GABRB2: variants seen among roughly 807,000 people sequenced by gnomAD.
GABRB2 encodes the protein gamma-aminobutyric acid type A receptor subunit beta2.
GABRB2 carries 16 observed loss-of-function variants against 54.7 expected under a neutral mutation model. That is an observed-to-expected ratio of 0.29 (90% CI 0.20 to 0.44). GABRB2 has a LOEUF of 0.44. GABRB2 is among the 20% of genes least tolerant of loss of function. GABRB2 has a pLI of 1.00. For synonymous variants in GABRB2, 244 were observed against 233.8 expected (o/e 1.04, Z -0.40); for missense variants, 355 against 644.0 (o/e 0.55, Z 4.86).
chr5:161,360,553 A>G (rs1754780043), intron 5 of GABRB2, among the ~76,000 whole-genome samples: 1 of 152,176 alleles, frequency 6.6e-6, no homozygotes, highest in Non-Finnish European at 1.5e-5. Flanking sequence ...AAAACTGGCA[A>G]ATACGGAGCA....
rs1304135176 is a variant in GABRB2, at chr5:161,289,701, G to A, written c.*4380C>T. 1 of 151,978 alleles carries A rather than the reference G, an allele frequency of 6.6e-6. No individual in the cohort carries two copies. The highest frequency in any genetic ancestry group is 1.5e-5 in the Non-Finnish European group (1 of 67,986). 9.4% of individuals were successfully genotyped at this position (151,978 alleles called of 1,614,324 possible). On this transcript the variant is annotated 3_prime_UTR_variant, in exon 10 of 10. Transcript: ENST00000393959. ...ATTGCCATTTCAAAGGCTATCTCTT[G>A]TTTGTTATATTGACTACATAAATAG... is the stretch of plus-strand genomic sequence containing the variant.
In GABRB2 at chr5:161,291,660, A is replaced by G. The variant is rs1048273753; in HGVS notation, c.*2421T>C. On this transcript the variant is annotated 3_prime_UTR_variant, in exon 10 of 10. Coordinates refer to ENST00000393959, the MANE Select transcript of GABRB2 (RefSeq NM_001371727.1). ...GCTCAAGCTGCAAAGATGCTTCTCT[A>G]CACTTTGATCTGGATTGTTCTGTTG... 8.5e-5 allele frequency: 13 copies of G among 152,550 alleles called. No individual in the cohort carries two copies. Among genetic ancestry groups the G allele is most frequent in the African/African-American group, 3.1e-4 (13 of 41,436 alleles). 9.4% of individuals were successfully genotyped at this position (152,550 alleles called of 1,614,324 possible).
chr5:161,305,177 C>T (rs369527015), intron 9 of GABRB2, among the ~76,000 whole-genome samples: 15 of 151,230 alleles, frequency 9.9e-5, no homozygotes, highest in South Asian at 6.3e-4. Flanking sequence ...CCACCGCGCC[C>T]GGCTAATTTT....
At chr5:161,457,498 T>C (rs1418872901) in intron 4 of GABRB2, among the ~76,000 whole-genome samples, 3 of 150,060 alleles carry the variant, frequency 2.0e-5, no homozygotes, top group African/African-American at 2.5e-5. Context: ...CAGGCTGGAG[T>C]GCAGTGGCGC....
intron 3 of GABRB2, among the ~76,000 whole-genome samples, chr5:161,508,881 A>G (rs1406087976): frequency 6.6e-6 from 1 of 152,050 alleles, no homozygotes; most frequent in Non-Finnish European, 1.5e-5. Flanking sequence ...TGTTCTGCTA[A>G]TATAAACACA....
chr5:161,374,502 G>C (rs1293620977), intron 5 of GABRB2, among the ~76,000 whole-genome samples: 1 of 152,118 alleles, frequency 6.6e-6, no homozygotes, highest in African/African-American at 2.4e-5. Flanking sequence ...ATATACCTAA[G>C]ATCCAATCAT....
intron 5 of GABRB2, among the ~76,000 whole-genome samples, chr5:161,402,182 G>A (rs932669652): frequency 4.0e-5 from 6 of 151,786 alleles, no homozygotes; most frequent in Non-Finnish European, 7.4e-5. Flanking sequence ...ATAGAAACAC[G>A]ATAGAAATAA....
At position 161,330,900 on chromosome 5, in the gene GABRB2, G is replaced by A. The variant is rs41298406; in HGVS notation, c.1060C>T (p.Arg354Cys). 586 of 1,614,220 alleles carry A rather than the reference G, an allele frequency of 3.6e-4. 5 individuals are homozygous for A. The East Asian group carries it at 0.01, about 28-fold the overall frequency. The change falls in exon 8 of 10, where the codon CGC becomes TGC. Residue 354 changes from arginine to cysteine, a missense_variant. Coordinates refer to ENST00000393959, the MANE Select transcript of GABRB2 (RefSeq NM_001371727.1). ...GAATTTACCTTGTTGACATCCAGGC[G>A]CATCTTCTCATTGTTGGCACTGGCA... The part of the protein sequence containing the change: ...KAASANNEKM[R>C]LDVNKIFYKD...
intron 4 of GABRB2, among the ~76,000 whole-genome samples, chr5:161,428,432 A>G (rs751239907): frequency 2.0e-4 from 31 of 152,012 alleles, no homozygotes; most frequent in Non-Finnish European, 3.8e-4. Context: ...CATATTTGCT[A>G]CTTTGTATCC....
intron 3 of GABRB2, among the ~76,000 whole-genome samples, chr5:161,521,834 T>A (rs1760125341): frequency 6.6e-6 from 1 of 151,868 alleles, no homozygotes; most frequent in South Asian, 2.1e-4. Context: ...AATCTCTGCC[T>A]CAACAAAGCA....
At chr5:161,459,914 C>T (rs1444423102) in intron 3 of GABRB2, 70 bp from the exon 4 acceptor site, 1 of 792,122 alleles carries the variant, frequency 1.3e-6, no homozygotes, top group Non-Finnish European at 2.1e-6. Context: ...GCAAACATCT[C>T]AGTATTAATA....
intron 5 of GABRB2, among the ~76,000 whole-genome samples, chr5:161,338,647 A>G (rs913506922): frequency 3.3e-5 from 5 of 152,000 alleles, no homozygotes; most frequent in African/African-American, 1.2e-4. Flanking sequence ...AAAATTAGCC[A>G]GGCATGGTGG....
At chr5:161,438,784 TAGC>T (rs1757380580) in intron 4 of GABRB2, among the ~76,000 whole-genome samples, 1 of 151,944 alleles carries the variant, frequency 6.6e-6, no homozygotes. Context: ...GGTCCCCTAA[TAGC>T]AGAATGGATC....
At chr5:161,310,307 TTAAAA>T (rs1410965989) in intron 9 of GABRB2, among the ~76,000 whole-genome samples, 9 of 152,100 alleles carry the variant, frequency 5.9e-5, no homozygotes, top group Non-Finnish European at 1.2e-4. Context: ...ACCCCTGAAC[TTAAAA>T]TAGAAGTTAA....
intron 9 of GABRB2, among the ~76,000 whole-genome samples, chr5:161,309,403 T>C (rs767936122): frequency 2.2e-4 from 33 of 152,146 alleles, no homozygotes; most frequent in Non-Finnish European, 4.6e-4. Context: ...TTATACACTG[T>C]TGAAAGGAGT....
intron 3 of GABRB2, among the ~76,000 whole-genome samples, chr5:161,468,158 T>G (rs773802417): frequency 1.8e-4 from 27 of 152,078 alleles, no homozygotes; most frequent in Admixed American, 3.9e-4. Context: ...TAACCCTTGC[T>G]CCTACAGTGT....
chr5:161,500,237 C>T (rs1343297793), intron 3 of GABRB2, among the ~76,000 whole-genome samples: 1 of 152,130 alleles, frequency 6.6e-6, no homozygotes, highest in Non-Finnish European at 1.5e-5. Context: ...AAACTAAGTA[C>T]CTCCATCTTT....
Position 161,546,698 on chromosome 5 carries a change from A to G in GABRB2, c.-55T>C. 1 of 1,553,818 alleles carries G rather than the reference A, an allele frequency of 6.4e-7. No homozygotes were observed. Among genetic ancestry groups the G allele is most frequent in the Non-Finnish European group, 8.7e-7 (1 of 1,147,988 alleles). On this transcript the variant is annotated 5_prime_UTR_variant, in exon 1 of 10. Coordinates refer to ENST00000393959, the MANE Select transcript of GABRB2 (RefSeq NM_001371727.1). Reference sequence around the variant, plus strand: ...TCACTGAAGAGAGGAGATCCAACTTAGTCTGCCCAGTGCAGTAATTCTAAT... The same window carrying G: ...TCACTGAAGAGAGGAGATCCAACTTGGTCTGCCCAGTGCAGTAATTCTAAT...
chr5:161,546,284 G>A (rs1245863237), intron 2 of GABRB2, 38 bp downstream of exon 2: 5 of 1,535,838 alleles, frequency 3.3e-6, no homozygotes, highest in East Asian at 2.2e-5. Context: ...AGACAGCTTC[G>A]GCTGTGGCTG....
Sources: gnomAD v4.1 joint callset for allele counts (sites outside exome capture counted in the v4.1 genomes callset) on GRCh38, gnomAD v4.1.1 for gene constraint, MANE v1.5 for transcripts, NCBI Gene and HGNC (gene_info 2026-07-23, HGNC 2026-07-21) for gene names.